RBMS3: variants seen among roughly 807,000 people sequenced by gnomAD.
RBMS3 encodes RNA binding motif single stranded interacting protein 3.
Under a neutral mutation model 66.8 loss-of-function variants are expected in RBMS3, and 27 were observed. The ratio of observed to expected loss-of-function variants is 0.40; its 90% CI spans 0.30 to 0.56. RBMS3 has a LOEUF of 0.56. Ranked by LOEUF, RBMS3 falls within the 20% of genes least tolerant of loss-of-function variation. The pLI is 0.40. For synonymous variants in RBMS3, 188 were observed against 183.0 expected, an observed-to-expected ratio of 1.03 and a Z score of -0.22; for missense variants, 513 against 549.5, an observed-to-expected ratio of 0.93 and a Z score of 0.66.
intron 11 of RBMS3, among the ~76,000 whole-genome samples, chr3:29,943,553 A>C (rs1165102391): frequency 6.6e-6 from 1 of 151,786 alleles, no homozygotes. Flanking sequence ...TGACACCTTC[A>C]ATGCTAGGAG....
intron 4 of RBMS3, among the ~76,000 whole-genome samples, chr3:29,730,629 G>T (rs1205857113): frequency 1.3e-5 from 2 of 152,070 alleles, no homozygotes; most frequent in African/African-American, 4.8e-5. Flanking sequence ...CGATAAATCA[G>T]TTACAGCTTT....
intron 1 of RBMS3, among the ~76,000 whole-genome samples, chr3:29,394,145 ACT>A (rs2039437639): frequency 6.6e-6 from 1 of 151,968 alleles, no homozygotes; most frequent in South Asian, 2.1e-4. Context: ...TAAGACAGAC[ACT>A]CTCAGAGCAG....
chr3:29,384,303 G>A (rs1210372071), intron 1 of RBMS3, among the ~76,000 whole-genome samples: 1 of 151,994 alleles, frequency 6.6e-6, no homozygotes, highest in African/African-American at 2.4e-5. Flanking sequence ...GCATCAGAGT[G>A]AGACTCTGTC....
At chr3:29,922,242 C>T (rs1293041400) in intron 10 of RBMS3, among the ~76,000 whole-genome samples, 1 of 151,696 alleles carries the variant, frequency 6.6e-6, no homozygotes, top group Non-Finnish European at 1.5e-5. Context: ...AATCCCAGCA[C>T]TTTGGGAGGC....
At chr3:29,583,090 C>T (rs370104037) in intron 3 of RBMS3, among the ~76,000 whole-genome samples, 7 of 152,138 alleles carry the variant, frequency 4.6e-5, no homozygotes, top group African/African-American at 1.7e-4. Flanking sequence ...TCTCTCTCCT[C>T]GCTGGCAGAA....
intron 12 of RBMS3, among the ~76,000 whole-genome samples, chr3:29,982,143 T>C (rs1698038798): frequency 6.6e-6 from 1 of 152,196 alleles, no homozygotes; most frequent in Non-Finnish European, 1.5e-5. Flanking sequence ...CTTCCTGGTT[T>C]AGTCTTGGGA....
intron 1 of RBMS3, among the ~76,000 whole-genome samples, chr3:29,419,714 A>G (rs2040623398): frequency 1.3e-5 from 2 of 152,162 alleles, no homozygotes; most frequent in Non-Finnish European, 1.5e-5. Context: ...TTATTCGCCA[A>G]AGTGTTGGGT....
chr3:29,629,189 C>A (rs765908457), intron 4 of RBMS3, among the ~76,000 whole-genome samples: 2 of 152,096 alleles, frequency 1.3e-5, no homozygotes, highest in African/African-American at 2.4e-5. Flanking sequence ...AATGATGGGA[C>A]TATCTACTTT....
At chr3:29,435,112 T>A in intron 2 of RBMS3, 197 bp downstream of exon 2, 1 of 590,412 alleles carries the variant, frequency 1.7e-6, no homozygotes, top group Non-Finnish European at 2.9e-6. Context: ...TGTTGTTGAG[T>A]GGAAGTTCTT....
chr3:29,555,445 A>T (rs539957483), intron 3 of RBMS3, among the ~76,000 whole-genome samples: 1 of 152,264 alleles, frequency 6.6e-6, no homozygotes, highest in South Asian at 2.1e-4. Context: ...AAATCTGGAA[A>T]TCCAAACTTA....
intron 1 of RBMS3, among the ~76,000 whole-genome samples, chr3:29,363,846 A>T (rs1559519408): frequency 6.6e-6 from 1 of 152,098 alleles, no homozygotes; most frequent in Non-Finnish European, 1.5e-5. Flanking sequence ...AAAAACAGCA[A>T]ATATTTTAAA....
At chr3:29,550,502 G>A (rs1394155176) in intron 3 of RBMS3, among the ~76,000 whole-genome samples, 1 of 152,014 alleles carries the variant, frequency 6.6e-6, no homozygotes, top group African/African-American at 2.4e-5. Flanking sequence ...AAAGTTTTCA[G>A]TATTCAAATA....
intron 2 of RBMS3, among the ~76,000 whole-genome samples, chr3:29,449,839 G>GT (rs1215806775): frequency 6.6e-6 from 1 of 152,084 alleles, no homozygotes; most frequent in Non-Finnish European, 1.5e-5. Flanking sequence ...ACATGCACTT[G>GT]TTTTTTTGGT....
In RBMS3 at chr3:29,300,669, G is replaced by GT. The variant is rs1284994169; in HGVS notation, c.75+18915dup. Among the ~76,000 whole-genome samples, 3 of 151,936 alleles carry GT rather than the reference G, an allele frequency of 2.0e-5. No homozygotes were observed. In the East Asian group the frequency reaches 5.8e-4, roughly 30 times the overall value. On this transcript the variant is annotated intron_variant, in intron 1 of 14. Coordinates refer to ENST00000383767, the MANE Select transcript of RBMS3 (RefSeq NM_001003793.3). ...GGAAAAGTTTTGCGTGAGTTTTGGA[G>GT]TTGCAGGCATTGTTAAATGCTTTTG...
intron 4 of RBMS3, among the ~76,000 whole-genome samples, chr3:29,588,081 T>C (rs2149095413): frequency 6.6e-6 from 1 of 152,152 alleles, no homozygotes; most frequent in East Asian, 1.9e-4. Context: ...GTACATAGGC[T>C]CTCTCTGTAC....
chr3:29,350,827 C>T (rs551446345), intron 1 of RBMS3, among the ~76,000 whole-genome samples: 1 of 151,244 alleles, frequency 6.6e-6, no homozygotes, highest in African/African-American at 2.4e-5. Context: ...AAGCCTTTTG[C>T]CATAAAAGGT....
At chr3:29,679,642 T>C (rs1398953797) in intron 4 of RBMS3, among the ~76,000 whole-genome samples, 3 of 152,046 alleles carry the variant, frequency 2.0e-5, no homozygotes, top group African/African-American at 7.2e-5. Flanking sequence ...ATTAGCCGTA[T>C]TATATCATCC....
chr3:29,509,923 A>C (rs2044332373), intron 3 of RBMS3, among the ~76,000 whole-genome samples: 1 of 152,240 alleles, frequency 6.6e-6, no homozygotes, highest in Admixed American at 6.5e-5. Flanking sequence ...TGCATGTCTA[A>C]AAGAATAAAA....
intron 6 of RBMS3, among the ~76,000 whole-genome samples, chr3:29,799,455 A>G (rs969848936): frequency 4.6e-5 from 7 of 152,156 alleles, no homozygotes; most frequent in Admixed American, 4.6e-4. Flanking sequence ...TGGTAATACT[A>G]TTCTCCTTAA....
Sources: allele counts gnomAD v4.1 joint callset (sites outside exome capture counted in the v4.1 genomes callset), GRCh38; gene constraint gnomAD v4.1.1; transcripts MANE v1.5; gene names NCBI Gene and HGNC (gene_info 2026-07-23, HGNC 2026-07-21).